The following F8 variants were observed in gnomAD, a reference collection of about 807,000 sequenced individuals.
F8 encodes the protein coagulation factor VIII.
In F8, 12 loss-of-function variants were observed where a neutral mutation model predicts 140.6. The ratio of observed to expected loss-of-function variants is 0.09; its 90% CI spans 0.05 to 0.14. F8 has a LOEUF of 0.14. F8 is among the 10% of genes least tolerant of loss of function. The pLI is 1.00. For missense variants in F8, 1,354 were observed against 1,720.7 expected, an observed-to-expected ratio of 0.79 and a Z score of 3.77; for synonymous variants, 585 against 614.6, an observed-to-expected ratio of 0.95 and a Z score of 0.71.
chrX:154,854,423 T>A (rs1177507649), intron 25 of F8, among the ~76,000 whole-genome samples: 1 of 112,261 alleles, frequency 8.9e-6, no homozygotes, highest in Non-Finnish European at 1.9e-5. Context: ...ACTTCAGTTT[T>A]TTTCCTGCCT....
At chrX:155,021,144 A>C (rs1438782033) in intron 1 of F8, among the ~76,000 whole-genome samples, 1 of 112,138 alleles carries the variant, frequency 8.9e-6, no homozygotes, top group Non-Finnish European at 1.9e-5. Flanking sequence ...TTAGAGTTCT[A>C]GTACGTGTTA....
intron 22 of F8, among the ~76,000 whole-genome samples, chrX:154,874,167 G>T (rs1403705608): frequency 8.9e-6 from 1 of 112,542 alleles, no homozygotes; most frequent in Non-Finnish European, 1.9e-5. Context: ...AACCCAAATA[G>T]AATTTTTCAA....
At chrX:154,925,515 G>A (rs1557277989) in intron 14 of F8, among the ~76,000 whole-genome samples, 1 of 112,605 alleles carries the variant, frequency 8.9e-6, no homozygotes, top group African/African-American at 3.2e-5. Flanking sequence ...GCTGTACCCT[G>A]CAAAGCCACA....
chrX:154,978,843 G>T (rs2073501850), intron 6 of F8, among the ~76,000 whole-genome samples: 2 of 111,496 alleles, frequency 1.8e-5, no homozygotes, highest in Non-Finnish European at 3.8e-5. Flanking sequence ...CTCTGTATAA[G>T]ATTCTAAACA....
chrX:155,003,492 G>A (rs782166473), intron 1 of F8, among the ~76,000 whole-genome samples: 2 of 108,840 alleles, frequency 1.8e-5, no homozygotes, highest in East Asian at 2.8e-4. Flanking sequence ...TCCAAAAACT[G>A]TGGAACAACA....
intron 16 of F8, 73 bp downstream of exon 16, chrX:154,904,738 A>G (rs2073028867): frequency 1.1e-6 from 1 of 951,712 alleles, no homozygotes; most frequent in Admixed American, 2.2e-5. Context: ...TAGGATAAAT[A>G]TCAAAATTCT....
At chrX:154,993,750 A>G (rs943386376) in intron 3 of F8, among the ~76,000 whole-genome samples, 11 of 112,251 alleles carry the variant, frequency 9.8e-5, no homozygotes, top group South Asian at 3.7e-4. Flanking sequence ...ATTCAACAAC[A>G]AATACACTTT....
chrX:154,957,058 A>C lies in F8; in HGVS notation c.1651T>G (p.Tyr551Asp), dbSNP rs2073368624. 8.3e-7 allele frequency: 1 copy of C among 1,209,719 alleles called. No individual in the cohort carries two copies. The stretch of plus-strand genomic sequence containing the variant: ...TCCATATTAACGAAACTAGAGTAAT[A>C]GCGGGTCAGGCACCGAGGATCTGAT... The part of the protein sequence containing the change: ...TKSDPRCLTR[Y>D]YSSFVNMERD... The change falls in exon 11 of 26, where the codon TAT becomes GAT. Residue 551 changes from tyrosine to aspartate, a missense_variant. This residue lies in a region of F8 where 252 missense variants were observed against 338.5 expected (regional missense o/e 0.74). Transcript: ENST00000360256.
At chrX:154,936,135 G>A (rs1326131525) in intron 13 of F8, among the ~76,000 whole-genome samples, 3 of 110,670 alleles carry the variant, frequency 2.7e-5, no homozygotes, top group African/African-American at 6.6e-5. Context: ...AACTATGCAA[G>A]TAGAAACAAT....
chrX:154,860,736 G>T, intron 24 of F8, 128 bp from the exon 25 acceptor site: 1 of 643,008 alleles, frequency 1.6e-6, no homozygotes, highest in Non-Finnish European at 2.5e-6. Flanking sequence ...GTCTTGCTCT[G>T]TCACCCAGGC....
At chrX:154,921,294 G>C (rs1287215966) in intron 14 of F8, among the ~76,000 whole-genome samples, 1 of 111,774 alleles carries the variant, frequency 8.9e-6, no homozygotes, top group South Asian at 3.7e-4. Context: ...ATCATCACTG[G>C]CCATCAGAGA....
chrX:154,851,127 GT>G (rs2072612134), intron 25 of F8, among the ~76,000 whole-genome samples: 1 of 112,235 alleles, frequency 8.9e-6, no homozygotes, highest in Non-Finnish European at 1.9e-5. Context: ...GCTATTCTGG[GT>G]ATTTCATATA....
intron 1 of F8, among the ~76,000 whole-genome samples, chrX:155,002,612 T>TAC (rs368675926): frequency 0.27 from 26,166 of 98,276 alleles, 2,915 homozygotes; most frequent in South Asian, 0.4. Flanking sequence ...GGCATATATT[T>TAC]ACACACACAC....
intron 9 of F8, among the ~76,000 whole-genome samples, chrX:154,962,205 C>T (rs2124100335): frequency 8.9e-6 from 1 of 111,914 alleles, no homozygotes; most frequent in Non-Finnish European, 1.9e-5. Flanking sequence ...CTGCCAGAGG[C>T]TACACTTCCC....
chrX:154,951,147 C>T (rs182035922), intron 12 of F8, among the ~76,000 whole-genome samples: 1,633 of 111,945 alleles, frequency 0.015, 91 homozygotes, highest in Admixed American at 0.14. Context: ...AAATCATGTG[C>T]CTTCTATCTT....
At chrX:154,901,492 C>T in intron 19 of F8, 50 bp from the exon 20 acceptor site, 1 of 839,677 alleles carries the variant, frequency 1.2e-6, no homozygotes, top group Non-Finnish European at 1.8e-6. Flanking sequence ...CAAAATTCAG[C>T]TTCTCAAATG....
rs1254691201 is a variant in F8, at chrX:154,837,193, C to T, written c.*404G>A. 2 of 182,011 alleles carry T rather than the reference C, an allele frequency of 1.1e-5. No individual in the cohort carries two copies. Among genetic ancestry groups the T allele is most frequent in the Non-Finnish European group, 2.1e-5 (2 of 96,096 alleles). The allele number at this position is 182,011 out of a possible 1,213,427, so 15.0% of individuals were successfully genotyped here. On this transcript the variant is annotated 3_prime_UTR_variant, in exon 26 of 26. Coordinates refer to ENST00000360256, the MANE Select transcript of F8 (RefSeq NM_000132.4). The stretch of plus-strand genomic sequence containing the variant: ...AAACAACTGAGAGTTTTATTTTAAA[C>T]GTATGAGGCTTAACCTGAAATGTTA...
rs782447158 is a variant in F8, at chrX:154,893,836, G to GC, written c.6429+2240dup. ...AGCTGTTCTTTGTGGAGGGAAATTTGCAACTGTAAAGAATCTCTATTAACA... is the reference window on the plus strand; with the variant it reads ...AGCTGTTCTTTGTGGAGGGAAATTTGCCAACTGTAAAGAATCTCTATTAACA... On this transcript the variant is annotated intron_variant, in intron 22 of 25. Transcript: ENST00000360256. 2.7e-5 allele frequency among the ~76,000 whole-genome samples: 3 copies of GC among 111,764 alleles called. No individual in the cohort carries two copies. The Admixed American group carries it at 2.8e-4, about 11-fold the overall frequency.
chrX:155,000,203 A>C (rs1311734295), intron 1 of F8, among the ~76,000 whole-genome samples: 1 of 112,299 alleles, frequency 8.9e-6, no homozygotes, highest in East Asian at 2.8e-4. Flanking sequence ...CTTTTAAGCA[A>C]AGGCTGGTTC....
Sources: gnomAD v4.1 joint callset for allele counts (sites outside exome capture counted in the v4.1 genomes callset) on GRCh38, gnomAD v4.1.1 for gene constraint, gnomAD v4.1.1 regional missense constraint, MANE v1.5 for transcripts, NCBI Gene and HGNC (gene_info 2026-07-23, HGNC 2026-07-21) for gene names.